GRID1: variants seen among roughly 807,000 people sequenced by gnomAD.
The protein encoded by GRID1 is glutamate receptor ionotropic, delta-1.
In GRID1, 28 loss-of-function variants were observed where a neutral mutation model predicts 98.0. The observed-to-expected ratio is 0.29, with a 90% CI of 0.21 to 0.39. The LOEUF is 0.39. Among genes scored for constraint, GRID1 ranks in the 10% least tolerant of loss-of-function variants. The probability of loss-of-function intolerance (pLI) is 1.00; values close to 1 mark genes in which losing one functional copy is unlikely to be tolerated. For synonymous variants in GRID1, 553 were observed against 538.5 expected (o/e 1.03, Z -0.37); for missense variants, 1,111 against 1,340.5 (o/e 0.83, Z 2.67).
intron 4 of GRID1, among the ~76,000 whole-genome samples, chr10:86,085,916 T>A (rs1844048384): frequency 6.6e-6 from 1 of 152,106 alleles, no homozygotes; most frequent in Admixed American, 6.5e-5. Flanking sequence ...TTGCCCAGCA[T>A]CCCGAGCTTG....
At chr10:86,281,273 T>C (rs1298516080) in intron 2 of GRID1, among the ~76,000 whole-genome samples, 1 of 152,150 alleles carries the variant, frequency 6.6e-6, no homozygotes, top group Non-Finnish European at 1.5e-5. Context: ...AAAGGCATCT[T>C]TCATTTACTT....
chr10:85,658,187 C>T (rs991153602), intron 12 of GRID1, among the ~76,000 whole-genome samples: 16 of 152,186 alleles, frequency 1.1e-4, no homozygotes, highest in African/African-American at 3.4e-4. Flanking sequence ...AGTCTCTTCT[C>T]TCCCTGCTAA....
chr10:85,635,920 C>T (rs891351793), intron 13 of GRID1, among the ~76,000 whole-genome samples: 2 of 152,174 alleles, frequency 1.3e-5, no homozygotes, highest in Non-Finnish European at 2.9e-5. Context: ...CAGACTGTCA[C>T]GGGGTAACGA....
intron 2 of GRID1, among the ~76,000 whole-genome samples, chr10:86,316,484 C>T (rs1164677387): frequency 6.6e-6 from 1 of 152,260 alleles, no homozygotes; most frequent in Non-Finnish European, 1.5e-5. Flanking sequence ...TGCCTGAAAC[C>T]AGACAAAGAG....
chr10:85,850,513 G>T (rs748579826), intron 8 of GRID1, among the ~76,000 whole-genome samples: 1 of 152,206 alleles, frequency 6.6e-6, no homozygotes, highest in Non-Finnish European at 1.5e-5. Context: ...CTGGCACACA[G>T]GGCTGAGTGA....
intron 4 of GRID1, among the ~76,000 whole-genome samples, chr10:85,963,348 T>A (rs1007031474): frequency 3.9e-5 from 6 of 152,174 alleles, no homozygotes; most frequent in Non-Finnish European, 7.3e-5. Context: ...GTATTGACCA[T>A]CACCTCTCTG....
intron 3 of GRID1, among the ~76,000 whole-genome samples, chr10:86,174,958 G>C (rs1845553065): frequency 6.6e-6 from 1 of 152,110 alleles, no homozygotes; most frequent in Non-Finnish European, 1.5e-5. Context: ...TCTCACACCA[G>C]TTAGAATGGC....
At chr10:85,823,137 T>C (rs968268755) in intron 8 of GRID1, among the ~76,000 whole-genome samples, 4 of 152,068 alleles carry the variant, frequency 2.6e-5, no homozygotes, top group African/African-American at 4.8e-5. Flanking sequence ...TGTATACATA[T>C]GTAACAAATC....
chr10:85,809,145 G>A (rs1842647135), intron 8 of GRID1, among the ~76,000 whole-genome samples: 1 of 151,852 alleles, frequency 6.6e-6, no homozygotes, highest in Non-Finnish European at 1.5e-5. Flanking sequence ...CAGAAGACGT[G>A]ACTCGTTAAC....
intron 4 of GRID1, among the ~76,000 whole-genome samples, chr10:85,971,471 A>G (rs1051191478): frequency 6.0e-5 from 9 of 151,114 alleles, no homozygotes; most frequent in African/African-American, 2.2e-4. Context: ...TTAGTTTTAA[A>G]AATTATCCTG....
At chr10:85,698,716 T>C (rs1841420181) in intron 12 of GRID1, among the ~76,000 whole-genome samples, 6 of 152,248 alleles carry the variant, frequency 3.9e-5, no homozygotes, top group Admixed American at 3.9e-4. Flanking sequence ...GGTAACTGTA[T>C]GCTGTGTTTT....
intron 4 of GRID1, among the ~76,000 whole-genome samples, chr10:86,071,129 T>A (rs555124471): frequency 1.3e-5 from 2 of 152,332 alleles, no homozygotes; most frequent in African/African-American, 4.8e-5. Context: ...CCAACAAGAA[T>A]AACTGCTTAG....
At chr10:86,084,872 G>C (rs776140123) in intron 4 of GRID1, among the ~76,000 whole-genome samples, 50 of 152,156 alleles carry the variant, frequency 3.3e-4, no homozygotes, top group Non-Finnish European at 6.3e-4. Flanking sequence ...CAGGGACTGA[G>C]GGGAGGGAGG....
chr10:86,100,410 TAA>T (rs1208839899), intron 4 of GRID1, among the ~76,000 whole-genome samples: 1 of 148,656 alleles, frequency 6.7e-6, no homozygotes, highest in Non-Finnish European at 1.5e-5. Context: ...GATATAGGAT[TAA>T]AAAAAAAACA....
At chr10:86,361,737 C>A in intron 2 of GRID1, among the ~76,000 whole-genome samples, 1 of 152,288 alleles carries the variant, frequency 6.6e-6, no homozygotes, top group African/African-American at 2.4e-5. Context: ...ACATTAAGGT[C>A]CAGATTTGGG....
In GRID1 at chr10:85,852,464, C is replaced by G. The variant is rs555994792; in HGVS notation, c.1233+2032G>C. ...GAGGTGGCCAGCCTGGCGCCAGGCA[C>G]AGGACTGGAGGGTCAGCTGCTTGAG... On this transcript the variant is annotated intron_variant, in intron 8 of 15. Transcript: ENST00000327946. Among the ~76,000 whole-genome samples, 3 of 152,254 alleles carry G rather than the reference C, an allele frequency of 2.0e-5. No homozygotes were observed. The East Asian group carries it at 5.8e-4, about 30-fold the overall frequency.
chr10:86,125,060 G>A (rs1844733015), intron 4 of GRID1, among the ~76,000 whole-genome samples: 1 of 152,206 alleles, frequency 6.6e-6, no homozygotes, highest in African/African-American at 2.4e-5. Context: ...CATGAAAATT[G>A]AGGCCACAGC....
At chr10:86,115,349 A>G in intron 4 of GRID1, among the ~76,000 whole-genome samples, 1 of 150,488 alleles carries the variant, frequency 6.6e-6, no homozygotes, top group East Asian at 1.9e-4. Context: ...ATGAAACAAT[A>G]GATGAATGAA....
chr10:85,629,594 T>C (rs1246526552), intron 13 of GRID1, among the ~76,000 whole-genome samples: 1 of 152,240 alleles, frequency 6.6e-6, no homozygotes, highest in African/African-American at 2.4e-5. Flanking sequence ...TAATATTCCT[T>C]TGCATAAATA....
Sources: allele counts gnomAD v4.1 joint callset (sites outside exome capture counted in the v4.1 genomes callset), GRCh38; gene constraint gnomAD v4.1.1; transcripts MANE v1.5; gene names NCBI Gene and HGNC (gene_info 2026-07-23, HGNC 2026-07-21).